KHDRBS2: variants seen among roughly 807,000 people sequenced by gnomAD.
KHDRBS2 encodes KH domain-containing, RNA-binding, signal transduction-associated protein 2.
Under a neutral mutation model 44.3 loss-of-function variants are expected in KHDRBS2, and 26 were observed. The ratio of observed to expected loss-of-function variants is 0.59; its 90% confidence interval spans 0.43 to 0.81. The LOEUF is 0.81. Ranked by LOEUF, KHDRBS2 falls within the 40% of genes least tolerant of loss-of-function variation. The pLI is 0.00. For synonymous variants in KHDRBS2, 194 were observed against 151.1 expected, an observed-to-expected ratio of 1.28 and a Z score of -2.08; for missense variants, 476 against 433.1, an observed-to-expected ratio of 1.10 and a Z score of -0.88.
At chr6:62,016,444 G>C (rs1038991050) in intron 3 of KHDRBS2, among the ~76,000 whole-genome samples, 2 of 150,832 alleles carry the variant, frequency 1.3e-5, no homozygotes, top group African/African-American at 4.9e-5. Flanking sequence ...AAAATATTTG[G>C]GTGAGAAGGA....
In KHDRBS2 at chr6:61,759,876, T is replaced by G. The variant is rs2127572115; in HGVS notation, c.811-27112A>C. On this transcript the variant is annotated intron_variant, in intron 6 of 8. Transcript: ENST00000281156. ...ATTGTTTCTTTCAGCTTTAATTAAC[T>G]TTTGTCTTTGCCCAGAACATGCTGT... 2.0e-5 allele frequency among the ~76,000 whole-genome samples: 3 copies of G among 152,338 alleles called. No individual in the cohort carries two copies. The Middle Eastern group carries it at 0.01, about 518-fold the overall frequency.
At chr6:61,689,632 T>G (rs572968659) in intron 8 of KHDRBS2, among the ~76,000 whole-genome samples, 2 of 152,122 alleles carry the variant, frequency 1.3e-5, no homozygotes, top group Admixed American at 1.3e-4. Flanking sequence ...TTGAGTTATC[T>G]GCCTATTACC....
chr6:62,074,197 A>C (rs1452975121), intron 2 of KHDRBS2, among the ~76,000 whole-genome samples: 2 of 151,842 alleles, frequency 1.3e-5, no homozygotes, highest in Non-Finnish European at 2.9e-5. Context: ...AATCAAACAC[A>C]AATTAAATAA....
At chr6:62,146,992 C>T (rs1449544195) in intron 2 of KHDRBS2, among the ~76,000 whole-genome samples, 1 of 151,920 alleles carries the variant, frequency 6.6e-6, no homozygotes, top group Non-Finnish European at 1.5e-5. Context: ...ATGCCCCCAG[C>T]AGTTATATTT....
At chr6:62,039,425 C>G (rs1417706009) in intron 3 of KHDRBS2, among the ~76,000 whole-genome samples, 1 of 151,696 alleles carries the variant, frequency 6.6e-6, no homozygotes, top group Non-Finnish European at 1.5e-5. Flanking sequence ...GAGAGATTAT[C>G]TGCTAAATAA....
chr6:62,164,088 T>C (rs924138748), intron 2 of KHDRBS2, among the ~76,000 whole-genome samples: 5 of 151,892 alleles, frequency 3.3e-5, no homozygotes, highest in African/African-American at 1.2e-4. Context: ...TAGATTTTGA[T>C]GGGTTTTGGA....
intron 2 of KHDRBS2, among the ~76,000 whole-genome samples, chr6:62,094,331 GTCT>G (rs1240444141): frequency 6.6e-6 from 1 of 151,728 alleles, no homozygotes; most frequent in African/African-American, 2.4e-5. Flanking sequence ...TCATTTGTAT[GTCT>G]TCATTTGAGA....
At chr6:61,722,714 TA>T (rs1772862091) in intron 7 of KHDRBS2, among the ~76,000 whole-genome samples, 1 of 129,024 alleles carries the variant, frequency 7.8e-6, no homozygotes, top group Non-Finnish European at 1.8e-5. Context: ...TATATATTTC[TA>T]TTTTTTTTTT....
the KHDRBS2 span, among the ~76,000 whole-genome samples, chr6:61,622,226 A>T: frequency 6.6e-6 from 1 of 152,238 alleles, no homozygotes; most frequent in South Asian, 2.1e-4. Flanking sequence ...AGGTGTTCAC[A>T]TCTCTCTATT....
chr6:62,027,456 A>G (rs1225153222), intron 3 of KHDRBS2, among the ~76,000 whole-genome samples: 1 of 152,064 alleles, frequency 6.6e-6, no homozygotes, highest in Non-Finnish European at 1.5e-5. Context: ...GGTGAAAGGA[A>G]TATCTTTTGT....
At chr6:61,744,925 T>C (rs1338311382) in intron 6 of KHDRBS2, among the ~76,000 whole-genome samples, 1 of 152,180 alleles carries the variant, frequency 6.6e-6, no homozygotes, top group African/African-American at 2.4e-5. Context: ...ACCGAAACTT[T>C]CAAATCTGTT....
chr6:62,253,437 G>A (rs1836864224), intron 1 of KHDRBS2, among the ~76,000 whole-genome samples: 1 of 151,940 alleles, frequency 6.6e-6, no homozygotes. Flanking sequence ...TTTAGGATCA[G>A]AAAATTCATT....
intron 1 of KHDRBS2, among the ~76,000 whole-genome samples, chr6:62,233,099 T>C (rs1833145761): frequency 1.3e-5 from 2 of 152,154 alleles, no homozygotes; most frequent in Admixed American, 1.3e-4. Context: ...CTTAGGCTAA[T>C]TGGGACTAAT....
intron 1 of KHDRBS2, among the ~76,000 whole-genome samples, chr6:62,275,661 C>A (rs1840815462): frequency 1.3e-5 from 2 of 152,110 alleles, no homozygotes; most frequent in South Asian, 4.1e-4. Context: ...CTAGTTAGTT[C>A]ACTCTTCTAA....
At chr6:61,900,937 G>A (rs1244074134) in intron 5 of KHDRBS2, among the ~76,000 whole-genome samples, 1 of 152,170 alleles carries the variant, frequency 6.6e-6, no homozygotes, top group Non-Finnish European at 1.5e-5. Context: ...AGAGGTAGTT[G>A]TTAAAAGTAT....
intron 4 of KHDRBS2, among the ~76,000 whole-genome samples, chr6:61,974,233 T>C (rs16868234): frequency 0.06 from 9,128 of 152,238 alleles, 338 homozygotes; most frequent in East Asian, 0.16. Flanking sequence ...GTTGTATTCA[T>C]GGTCCTAGGT....
At chr6:62,199,047 C>T (rs1374155930) in intron 1 of KHDRBS2, among the ~76,000 whole-genome samples, 1 of 152,130 alleles carries the variant, frequency 6.6e-6, no homozygotes, top group African/African-American at 2.4e-5. Context: ...GCCCTTCATG[C>T]TAAAAACTCT....
chr6:61,832,106 C>G (rs1229730872), intron 6 of KHDRBS2, among the ~76,000 whole-genome samples: 1 of 152,084 alleles, frequency 6.6e-6, no homozygotes, highest in Non-Finnish European at 1.5e-5. Flanking sequence ...TGCTGGCACA[C>G]ATCTGTGGTC....
the KHDRBS2 span, among the ~76,000 whole-genome samples, chr6:61,641,811 T>C: frequency 2.6e-5 from 4 of 152,198 alleles, no homozygotes; most frequent in Non-Finnish European, 5.9e-5. Flanking sequence ...TATGCAAAGA[T>C]AGAGATAGAG....
Sources: allele counts gnomAD v4.1 joint callset (sites outside exome capture counted in the v4.1 genomes callset), GRCh38; gene constraint gnomAD v4.1.1; transcripts MANE v1.5; gene names NCBI Gene and HGNC (gene_info 2026-07-23, HGNC 2026-07-21).